LRRC7: variants seen among roughly 807,000 people sequenced by gnomAD.
The protein encoded by LRRC7 is leucine rich repeat containing 7.
In LRRC7, 23 loss-of-function variants were observed where a neutral mutation model predicts 175.7. The ratio of observed to expected loss-of-function variants is 0.13; its 90% CI spans 0.09 to 0.19. LRRC7 has a LOEUF of 0.19. LRRC7 is among the 10% of genes least tolerant of loss of function. The probability of loss-of-function intolerance (pLI) is 1.00; values close to 1 mark genes in which losing one functional copy is unlikely to be tolerated. For synonymous variants in LRRC7, 685 were observed against 680.9 expected, an observed-to-expected ratio of 1.01 and a Z score of -0.09; for missense variants, 1,354 against 1,904.7, an observed-to-expected ratio of 0.71 and a Z score of 5.38.
chr1:69,872,569 T>C (rs1256970356), intron 7 of LRRC7, among the ~76,000 whole-genome samples: 2 of 152,102 alleles, frequency 1.3e-5, no homozygotes, highest in Non-Finnish European at 2.9e-5. Context: ...TATCTAGAGA[T>C]GATAAATATT....
intron 8 of LRRC7, among the ~76,000 whole-genome samples, chr1:69,966,820 C>A (rs1013933732): frequency 3.9e-5 from 6 of 152,218 alleles, no homozygotes; most frequent in African/African-American, 1.4e-4. Flanking sequence ...GCGGGAAAAT[C>A]CCTAAGCCAT....
chr1:69,763,912 A>T (rs1671315421), intron 3 of LRRC7, among the ~76,000 whole-genome samples: 1 of 152,148 alleles, frequency 6.6e-6, no homozygotes, highest in South Asian at 2.1e-4. Context: ...ATATGTATCT[A>T]TTCTTTGCTT....
intron 1 of LRRC7, among the ~76,000 whole-genome samples, chr1:69,623,549 CTTT>C (rs35199111): frequency 1.2e-4 from 17 of 136,624 alleles, no homozygotes; most frequent in South Asian, 4.6e-4. Flanking sequence ...AAAAGACATA[CTTT>C]TTTTTTTTTT....
intron 3 of LRRC7, among the ~76,000 whole-genome samples, chr1:69,781,767 A>AGAG (rs1557719914): frequency 5.5e-4 from 16 of 28,864 alleles, no homozygotes; most frequent in East Asian, 1.7e-3. Flanking sequence ...GAGAGAGAGA[A>AGAG]AGAAAGAAAG....
intron 7 of LRRC7, among the ~76,000 whole-genome samples, chr1:69,866,565 G>A (rs896542440): frequency 6.6e-6 from 1 of 152,126 alleles, no homozygotes; most frequent in African/African-American, 2.4e-5. Flanking sequence ...AAATCTTCTT[G>A]CTATAATTGT....
intron 6 of LRRC7, among the ~76,000 whole-genome samples, chr1:69,835,260 T>C (rs1680973918): frequency 6.6e-6 from 1 of 151,814 alleles, no homozygotes; most frequent in Non-Finnish European, 1.5e-5. Context: ...TAACATAAAG[T>C]ATCAGAAAAT....
chr1:70,093,837 A>G (rs1303608797), intron 25 of LRRC7, among the ~76,000 whole-genome samples: 2 of 152,150 alleles, frequency 1.3e-5, no homozygotes, highest in African/African-American at 2.4e-5. Flanking sequence ...ATAATTTCCA[A>G]TTGCAAAATT....
intron 2 of LRRC7, among the ~76,000 whole-genome samples, chr1:69,747,298 A>G (rs1324326512): frequency 2.0e-5 from 3 of 152,162 alleles, no homozygotes; most frequent in Non-Finnish European, 4.4e-5. Context: ...GGAAAGATGA[A>G]CATGCAGACA....
chr1:69,779,632 A>G (rs1316775424), intron 3 of LRRC7, among the ~76,000 whole-genome samples: 1 of 152,222 alleles, frequency 6.6e-6, no homozygotes, highest in African/African-American at 2.4e-5. Context: ...AAAGGGAAAA[A>G]TGATTCAACA....
chr1:70,083,425 G>A (rs558907510), intron 24 of LRRC7, among the ~76,000 whole-genome samples: 2 of 152,162 alleles, frequency 1.3e-5, no homozygotes, highest in East Asian at 3.9e-4. Context: ...CATAAAACCA[G>A]GAGCTAAAAG....
intron 1 of LRRC7, among the ~76,000 whole-genome samples, chr1:69,584,135 T>C (rs187295717): frequency 6.6e-6 from 1 of 152,300 alleles, no homozygotes; most frequent in Non-Finnish European, 1.5e-5. Context: ...ACATCGGCTA[T>C]AGTTTTGTGA....
intron 3 of LRRC7, among the ~76,000 whole-genome samples, chr1:69,761,474 T>C (rs984660542): frequency 5.3e-5 from 8 of 152,044 alleles, no homozygotes; most frequent in Non-Finnish European, 7.4e-5. Flanking sequence ...TTGTGCTGTT[T>C]ACATAACACT....
chr1:70,000,940 A>C (rs2101927509), intron 11 of LRRC7, among the ~76,000 whole-genome samples: 1 of 152,292 alleles, frequency 6.6e-6, no homozygotes, highest in African/African-American at 2.4e-5. Flanking sequence ...GGCCTTCCCT[A>C]AATGACTTTC....
intron 2 of LRRC7, among the ~76,000 whole-genome samples, chr1:69,750,241 C>A (rs187006170): frequency 5.6e-4 from 85 of 151,884 alleles, no homozygotes; most frequent in African/African-American, 1.8e-3. Context: ...AGCAAAGGAG[C>A]AAGTTCTAGT....
At chr1:69,712,247 C>T (rs1411252579) in intron 2 of LRRC7, among the ~76,000 whole-genome samples, 1 of 151,708 alleles carries the variant, frequency 6.6e-6, no homozygotes, top group Non-Finnish European at 1.5e-5. Context: ...CACACACACA[C>T]ACACACACAC....
chr1:69,781,729 AAGAAAGAGAG>A (rs1184439530), intron 3 of LRRC7, among the ~76,000 whole-genome samples: 379 of 32,882 alleles, frequency 0.012, 3 homozygotes, highest in Middle Eastern at 0.028. Context: ...GAAAGAAAGA[AAGAAAGAGAG>A]AGAGAGAGAG....
intron 7 of LRRC7, among the ~76,000 whole-genome samples, chr1:69,888,571 C>A (rs907581134): frequency 1.3e-5 from 2 of 152,100 alleles, no homozygotes; most frequent in African/African-American, 2.4e-5. Context: ...AGAAATCACC[C>A]GTCTTCTGCG....
intron 1 of LRRC7, among the ~76,000 whole-genome samples, chr1:69,571,259 C>G (rs1414045939): frequency 2.0e-5 from 3 of 152,170 alleles, no homozygotes; most frequent in African/African-American, 7.2e-5. Flanking sequence ...ATAAAGAAAC[C>G]TGGTCCAGTT....
intron 5 of LRRC7, among the ~76,000 whole-genome samples, chr1:69,831,427 A>G (rs1336220952): frequency 1.3e-5 from 2 of 152,054 alleles, no homozygotes; most frequent in East Asian, 3.9e-4. Flanking sequence ...CCTACCATAG[A>G]CTTTCATTTC....
Sources: gnomAD v4.1 joint callset for allele counts (sites outside exome capture counted in the v4.1 genomes callset) on GRCh38, gnomAD v4.1.1 for gene constraint, MANE v1.5 for transcripts, NCBI Gene and HGNC (gene_info 2026-07-23, HGNC 2026-07-21) for gene names.